The following HBS1L variants were observed in gnomAD, a reference collection of about 807,000 sequenced individuals.
HBS1L encodes the protein HBS1-like protein.
Under a neutral mutation model 88.9 loss-of-function variants are expected in HBS1L, and 55 were observed. The ratio of observed to expected loss-of-function variants is 0.62; its 90% CI spans 0.50 to 0.77. The LOEUF (loss-of-function observed/expected upper bound fraction) is 0.77. Among genes scored for constraint, HBS1L ranks in the 30% least tolerant of loss-of-function variants. The probability of loss-of-function intolerance (pLI) is 0.00; values close to 1 mark genes in which losing one functional copy is unlikely to be tolerated. For missense variants in HBS1L, 741 were observed against 829.3 expected (o/e 0.89, Z 1.31); for synonymous variants, 267 against 288.5 (o/e 0.93, Z 0.76).
rs1471475357 is a variant in HBS1L at position 135,010,749 on chromosome 6, T to C, written c.431-7907A>G. On this transcript the variant is annotated intron_variant, in intron 4 of 17. Transcript: ENST00000367837. The stretch of plus-strand genomic sequence containing the variant: ...TGGGGGGGAAAATGCCAAGTTGATG[T>C]TGAAGTTCATCTGGAAGAGTAAATG... Among the ~76,000 whole-genome samples, 3 of 151,980 alleles carry C rather than the reference T, an allele frequency of 2.0e-5. No individual in the cohort carries two copies. In the East Asian group the frequency reaches 5.8e-4, roughly 29 times the overall value.
intron 4 of HBS1L, among the ~76,000 whole-genome samples, chr6:135,031,032 T>A (rs1389040348): frequency 6.6e-6 from 1 of 152,142 alleles, no homozygotes. Context: ...TTTCCAGTTT[T>A]GTACTTTTTG....
At chr6:135,022,164 CCT>C (rs763265376) in intron 4 of HBS1L, among the ~76,000 whole-genome samples, 5 of 152,060 alleles carry the variant, frequency 3.3e-5, no homozygotes, top group African/African-American at 4.8e-5. Flanking sequence ...TTTTATTTGT[CCT>C]CTCCCTTCAT....
At chr6:135,053,201 TC>T (rs1777141778) in intron 1 of HBS1L, among the ~76,000 whole-genome samples, 1 of 152,242 alleles carries the variant, frequency 6.6e-6, no homozygotes, top group South Asian at 2.1e-4. Flanking sequence ...CTGCTTAAAT[TC>T]CCCCCAATCC....
chr6:134,984,145 A>C (rs1345728305), intron 12 of HBS1L, among the ~76,000 whole-genome samples: 1 of 152,154 alleles, frequency 6.6e-6, no homozygotes, highest in Non-Finnish European at 1.5e-5. Context: ...AATCAAAGAA[A>C]AGTAACCACC....
chr6:135,044,604 C>G (rs984494614), intron 2 of HBS1L, among the ~76,000 whole-genome samples: 16 of 152,096 alleles, frequency 1.1e-4, no homozygotes, highest in Non-Finnish European at 5.9e-5. Context: ...AGACTGATAG[C>G]CTTTTGTTTT....
In HBS1L at chr6:135,054,744, G is replaced by A. The variant is rs1200656596; in HGVS notation, c.-53C>T. ...CCCTTAACTCCTTCCAAAACACTCCGCTTAGATACTGATAAGGCGCCAACT... is the reference window on the plus strand; with the variant it reads ...CCCTTAACTCCTTCCAAAACACTCCACTTAGATACTGATAAGGCGCCAACT... On this transcript the variant is annotated 5_prime_UTR_variant, in exon 1 of 18. Transcript: ENST00000367837. The A allele has an allele frequency of 3.1e-6, 5 of 1,605,116 alleles. No individual in the cohort carries two copies. Among genetic ancestry groups the A allele is most frequent in the East Asian group, 2.2e-5 (1 of 44,738 alleles).
At chr6:135,040,954 A>G (rs1373093536) in intron 3 of HBS1L, among the ~76,000 whole-genome samples, 1 of 152,172 alleles carries the variant, frequency 6.6e-6, no homozygotes, top group African/African-American at 2.4e-5. Flanking sequence ...TCTATGAGCT[A>G]GATATATCAA....
At chr6:135,024,664 A>T (rs1776176305) in intron 4 of HBS1L, among the ~76,000 whole-genome samples, 1 of 151,494 alleles carries the variant, frequency 6.6e-6, no homozygotes, top group Non-Finnish European at 1.5e-5. Context: ...CATTCATGGG[A>T]ATGTATAACA....
At chr6:135,016,546 A>C (rs1232617421) in intron 4 of HBS1L, among the ~76,000 whole-genome samples, 1 of 152,250 alleles carries the variant, frequency 6.6e-6, no homozygotes, top group Non-Finnish European at 1.5e-5. Flanking sequence ...TCTAAAGCAT[A>C]CATCACAACA....
At chr6:134,994,267 C>A (rs1775228921) in intron 7 of HBS1L, among the ~76,000 whole-genome samples, 1 of 152,086 alleles carries the variant, frequency 6.6e-6, no homozygotes, top group East Asian at 1.9e-4. Context: ...TCACGTTCTA[C>A]ACTTATGCTT....
At chr6:134,987,815 C>A in intron 8 of HBS1L, 24 bp from the exon 9 acceptor site, 2 of 1,547,610 alleles carry the variant, frequency 1.3e-6, no homozygotes, top group Non-Finnish European at 1.7e-6. Context: ...ATAATCGAAG[C>A]CAGAAATAAT....
intron 4 of HBS1L, among the ~76,000 whole-genome samples, chr6:135,013,520 C>T (rs1406623350): frequency 6.6e-6 from 1 of 152,146 alleles, no homozygotes; most frequent in Non-Finnish European, 1.5e-5. Context: ...GATCTTGAAA[C>T]ATAAGAGCCA....
rs1028408785 is a variant in HBS1L at position 134,964,954 on chromosome 6, A to C, written c.*325T>G. 1 of 347,588 alleles carries C rather than the reference A, an allele frequency of 2.9e-6. No homozygotes were observed. Among genetic ancestry groups the C allele is most frequent in the Admixed American group, 4.6e-5 (1 of 21,586 alleles). 21.5% of individuals were successfully genotyped at this position (347,588 alleles called of 1,614,324 possible). On this transcript the variant is annotated 3_prime_UTR_variant, in exon 18 of 18. Coordinates refer to ENST00000367837, the MANE Select transcript of HBS1L (RefSeq NM_006620.4). ...ACTGCAAATACATTGTGCTTTGGCC[A>C]GAAGTAGAGTTCATTTCATGATGAT... is the stretch of plus-strand genomic sequence containing the variant.
intron 5 of HBS1L, among the ~76,000 whole-genome samples, chr6:135,001,315 T>C (rs1175464936): frequency 6.6e-6 from 1 of 152,188 alleles, no homozygotes; most frequent in Non-Finnish European, 1.5e-5. Context: ...TATTGATACA[T>C]TTATTACCCA....
intron 11 of HBS1L, among the ~76,000 whole-genome samples, chr6:134,985,751 A>G (rs897044221): frequency 6.6e-6 from 1 of 152,086 alleles, no homozygotes; most frequent in Non-Finnish European, 1.5e-5. Context: ...GACCCCAAAC[A>G]CTTTGGGTCC....
At chr6:135,047,706 C>T (rs1776954833) in intron 2 of HBS1L, among the ~76,000 whole-genome samples, 1 of 152,190 alleles carries the variant, frequency 6.6e-6, no homozygotes, top group African/African-American at 2.4e-5. Context: ...CACCTTTAAT[C>T]CATTAACTAT....
chr6:134,979,771 A>AT (rs1774767780), intron 13 of HBS1L, among the ~76,000 whole-genome samples: 1 of 152,038 alleles, frequency 6.6e-6, no homozygotes, highest in Non-Finnish European at 1.5e-5. Flanking sequence ...CTCAGTCAGA[A>AT]TTTCAAGCGG....
At chr6:135,015,901 T>TTTTC (rs1562297907) in intron 4 of HBS1L, among the ~76,000 whole-genome samples, 1 of 137,066 alleles carries the variant, frequency 7.3e-6, no homozygotes, top group Non-Finnish European at 1.6e-5. Context: ...TTTTTTTTTT[T>TTTTC]CCAGACGGAG....
chr6:135,029,912 G>A (rs574898859), intron 4 of HBS1L, among the ~76,000 whole-genome samples: 4 of 152,236 alleles, frequency 2.6e-5, no homozygotes, highest in East Asian at 1.9e-4. Flanking sequence ...AAATGTATAC[G>A]TACATTCACA....
Sources: gnomAD v4.1 joint callset for allele counts (sites outside exome capture counted in the v4.1 genomes callset) on GRCh38, gnomAD v4.1.1 for gene constraint, MANE v1.5 for transcripts, NCBI Gene and HGNC (gene_info 2026-07-23, HGNC 2026-07-21) for gene names.